The following ROBO2 variants were observed in gnomAD, a reference collection of about 807,000 sequenced individuals.
ROBO2 encodes roundabout homolog 2.
A neutral mutation model predicts 160.8 loss-of-function variants in ROBO2; 53 were observed. The observed-to-expected ratio is 0.33, with a 90% CI of 0.26 to 0.41. The LOEUF is 0.41. Among genes scored for constraint, ROBO2 ranks in the 10% least tolerant of loss-of-function variants. ROBO2 has a pLI of 1.00. For synonymous variants in ROBO2, 664 were observed against 611.7 expected, an observed-to-expected ratio of 1.09 and a Z score of -1.26; for missense variants, 1,577 against 1,722.4, an observed-to-expected ratio of 0.92 and a Z score of 1.49.
chr3:76,768,605 A>G (rs1214187295), intron 2 of ROBO2, among the ~76,000 whole-genome samples: 1 of 151,036 alleles, frequency 6.6e-6, no homozygotes, highest in African/African-American at 2.4e-5. Context: ...TTTGAGATGA[A>G]AAGTGTTTTA....
intron 2 of ROBO2, among the ~76,000 whole-genome samples, chr3:76,479,972 A>C (rs2079124831): frequency 6.6e-6 from 1 of 152,150 alleles, no homozygotes; most frequent in African/African-American, 2.4e-5. Context: ...GATGATATTT[A>C]CTGGACAGAG....
At chr3:76,486,909 A>G (rs2079527336) in intron 2 of ROBO2, among the ~76,000 whole-genome samples, 1 of 152,018 alleles carries the variant, frequency 6.6e-6, no homozygotes, top group Non-Finnish European at 1.5e-5. Context: ...TATCCCCTAA[A>G]CCCTCTAAAT....
chr3:76,679,883 G>A (rs893745598), intron 2 of ROBO2, among the ~76,000 whole-genome samples: 6 of 151,894 alleles, frequency 4.0e-5, no homozygotes, highest in Non-Finnish European at 8.8e-5. Context: ...TTCCTTCTTT[G>A]GCTTATTACA....
intron 2 of ROBO2, among the ~76,000 whole-genome samples, chr3:76,288,155 AAAACT>A (rs901909897): frequency 7.9e-6 from 1 of 126,612 alleles, no homozygotes; most frequent in African/African-American, 3.6e-5. Flanking sequence ...AAATTATTTA[AAAACT>A]AAACTAGTCT....
At chr3:76,209,592 GC>G (rs1377053756) in intron 2 of ROBO2, among the ~76,000 whole-genome samples, 1 of 152,072 alleles carries the variant, frequency 6.6e-6, no homozygotes, top group Non-Finnish European at 1.5e-5. Flanking sequence ...TCTCTTCTAT[GC>G]CCCTCAGGAA....
At chr3:77,533,230 G>C (rs1666157) in intron 6 of ROBO2, among the ~76,000 whole-genome samples, 117,178 of 151,608 alleles carry the variant, frequency 0.77, 45,705 homozygotes, top group African/African-American at 0.86. Flanking sequence ...AAGTTATGAG[G>C]GGTGTGCATT....
At chr3:77,602,841 T>A in intron 20 of ROBO2, 1 of 467,782 alleles carries the variant, frequency 2.1e-6, no homozygotes, top group South Asian at 1.6e-5. Context: ...TCCCACAACA[T>A]CTGCTTCTGA....
At chr3:77,180,267 CA>C (rs1653264525) in intron 2 of ROBO2, among the ~76,000 whole-genome samples, 1 of 151,582 alleles carries the variant, frequency 6.6e-6, no homozygotes, top group Non-Finnish European at 1.5e-5. Flanking sequence ...TCATTTGAAT[CA>C]TTGAATCAAG....
At chr3:77,337,582 G>A (rs1018369332) in intron 2 of ROBO2, among the ~76,000 whole-genome samples, 2 of 152,020 alleles carry the variant, frequency 1.3e-5, no homozygotes, top group Non-Finnish European at 2.9e-5. Context: ...ATAAAATTAT[G>A]TTTCTTATAT....
intron 2 of ROBO2, among the ~76,000 whole-genome samples, chr3:77,033,997 A>C (rs1205024770): frequency 6.6e-6 from 1 of 151,934 alleles, no homozygotes; most frequent in African/African-American, 2.4e-5. Flanking sequence ...AGCATTTTTC[A>C]ATATTAAGTA....
At chr3:76,821,994 T>G (rs2066161899) in intron 2 of ROBO2, among the ~76,000 whole-genome samples, 1 of 151,990 alleles carries the variant, frequency 6.6e-6, no homozygotes, top group African/African-American at 2.4e-5. Flanking sequence ...AACTCCAGTT[T>G]TATGTTTCCA....
chr3:76,048,025 G>A (rs576824564), intron 2 of ROBO2, among the ~76,000 whole-genome samples: 1 of 152,242 alleles, frequency 6.6e-6, no homozygotes, highest in East Asian at 1.9e-4. Flanking sequence ...AATAACAATA[G>A]CTTTATTGAA....
chr3:76,533,355 G>A (rs1417199294), intron 2 of ROBO2, among the ~76,000 whole-genome samples: 1 of 152,160 alleles, frequency 6.6e-6, no homozygotes, highest in East Asian at 1.9e-4. Context: ...AATAATAGGA[G>A]TACTTTAAAA....
chr3:77,508,609 A>G (rs2088922272), intron 5 of ROBO2, among the ~76,000 whole-genome samples: 1 of 151,802 alleles, frequency 6.6e-6, no homozygotes, highest in South Asian at 2.1e-4. Flanking sequence ...TCAGTGCACT[A>G]TCTGCAGCTA....
intron 2 of ROBO2, among the ~76,000 whole-genome samples, chr3:76,561,179 CAA>C (rs747895083): frequency 6.6e-6 from 1 of 151,530 alleles, no homozygotes; most frequent in Non-Finnish European, 1.5e-5. Flanking sequence ...CGTATATTCT[CAA>C]AGATATTATT....
chr3:76,845,957 G>T (rs2068737912), intron 2 of ROBO2, among the ~76,000 whole-genome samples: 1 of 151,988 alleles, frequency 6.6e-6, no homozygotes, highest in Non-Finnish European at 1.5e-5. Flanking sequence ...AATGGGTCTG[G>T]AACCAACCAC....
At chr3:76,451,846 A>G (rs2077490362) in intron 2 of ROBO2, among the ~76,000 whole-genome samples, 1 of 152,152 alleles carries the variant, frequency 6.6e-6, no homozygotes, top group Non-Finnish European at 1.5e-5. Flanking sequence ...ACAAACTGGA[A>G]AAAGCTCCTC....
intron 7 of ROBO2, among the ~76,000 whole-genome samples, chr3:77,547,281 A>G (rs2092734193): frequency 6.6e-6 from 1 of 152,098 alleles, no homozygotes; most frequent in South Asian, 2.1e-4. Flanking sequence ...TTATCTGTGC[A>G]TTCCCATGGG....
intron 8 of ROBO2, among the ~76,000 whole-genome samples, chr3:77,552,942 G>C (rs1339894469): frequency 6.6e-6 from 1 of 151,866 alleles, no homozygotes; most frequent in African/African-American, 2.4e-5. Flanking sequence ...GGGAATTGTA[G>C]AGCCATTTGA....
Sources: gnomAD v4.1 joint callset for allele counts (sites outside exome capture counted in the v4.1 genomes callset) on GRCh38, gnomAD v4.1.1 for gene constraint, MANE v1.5 for transcripts, NCBI Gene and HGNC (gene_info 2026-07-23, HGNC 2026-07-21) for gene names.